SLCO6A1: variants seen among roughly 807,000 people sequenced by gnomAD.
The protein encoded by SLCO6A1 is solute carrier organic anion transporter family member 6A1.
Under a neutral mutation model 72.7 loss-of-function variants are expected in SLCO6A1, and 65 were observed. The observed-to-expected ratio is 0.89, with a 90% CI of 0.73 to 1.10. The LOEUF is 1.10. Ranked by LOEUF, SLCO6A1 falls within the 50% of genes least tolerant of loss-of-function variation. SLCO6A1 has a pLI of 0.00. For missense variants in SLCO6A1, 874 were observed against 872.6 expected (o/e 1.00, Z -0.02); for synonymous variants, 314 against 298.2 (o/e 1.05, Z -0.55).
chr5:102,426,646 T>C (rs972820877), intron 7 of SLCO6A1, among the ~76,000 whole-genome samples: 3 of 152,082 alleles, frequency 2.0e-5, no homozygotes, highest in Admixed American at 2.0e-4. Flanking sequence ...TGTGGAGAAA[T>C]AGAAACACTT....
chr5:102,388,810 G>A lies in SLCO6A1; in HGVS notation c.1895C>T (p.Pro632Leu), dbSNP rs1335947509. ...ILRIFGTIPG[P>L]SIFKMSGETS... The stretch of plus-strand genomic sequence containing the variant: ...TTCTCCTGACATTTTAAAGATTGAT[G>A]GTCCAGGAATAGTCCCTATGAAAAA... Residue 632 changes from proline (P) to leucine (L), a missense_variant, in exon 12 of 14, where the codon CCA becomes CTA. Physicochemically the swap from Pro to Leu is moderately conservative, Grantham distance 98 (BLOSUM62 -3). Transcript: ENST00000506729. 4 of 1,602,844 alleles carry A rather than the reference G, an allele frequency of 2.5e-6. No homozygotes were observed. Among genetic ancestry groups the A allele is most frequent in the Non-Finnish European group, 3.4e-6 (4 of 1,176,956 alleles).
At chr5:102,407,210 A>T (rs1747719677) in intron 9 of SLCO6A1, among the ~76,000 whole-genome samples, 1 of 151,836 alleles carries the variant, frequency 6.6e-6, no homozygotes, top group South Asian at 2.1e-4. Context: ...AGTAGTTACC[A>T]CCCCTTTCCA....
chr5:102,461,385 T>C (rs1415978601), intron 4 of SLCO6A1, among the ~76,000 whole-genome samples: 2 of 152,094 alleles, frequency 1.3e-5, no homozygotes, highest in Non-Finnish European at 2.9e-5. Flanking sequence ...ATTCAAGTAA[T>C]TCAAATCAAA....
rs193138624 is a variant in SLCO6A1, at chr5:102,399,194, A to C, written c.1814+361T>G. Among the ~76,000 whole-genome samples, 288 of 152,244 alleles carry C rather than the reference A, an allele frequency of 1.9e-3. 3 individuals are homozygous for C. Among genetic ancestry groups the C allele is most frequent in the African/African-American group, 6.7e-3 (278 of 41,574 alleles). On this transcript the variant is annotated intron_variant, in intron 10 of 13. Coordinates refer to ENST00000506729, the MANE Select transcript of SLCO6A1 (RefSeq NM_173488.5). ...ATGCTTTCTCATAGTCAAATTAAGC[A>C]ATATGGATGTAAATAGTTAATAAAT...
At chr5:102,498,158 T>C (rs2112880780) in intron 1 of SLCO6A1, among the ~76,000 whole-genome samples, 1 of 152,234 alleles carries the variant, frequency 6.6e-6, no homozygotes, top group Admixed American at 6.5e-5. Context: ...AAAACTCTGA[T>C]CCCATCCCAG....
intron 7 of SLCO6A1, among the ~76,000 whole-genome samples, chr5:102,425,060 A>C (rs1201685762): frequency 6.6e-6 from 1 of 152,170 alleles, no homozygotes; most frequent in Non-Finnish European, 1.5e-5. Flanking sequence ...CCTTCGATAA[A>C]ATTTAACACC....
intron 12 of SLCO6A1, among the ~76,000 whole-genome samples, chr5:102,385,292 A>T (rs1486877035): frequency 6.6e-6 from 1 of 152,056 alleles, no homozygotes; most frequent in Admixed American, 6.6e-5. Flanking sequence ...ACTTCCTTAC[A>T]TCTTATCTAT....
chr5:102,471,861 T>C (rs1486841138), intron 4 of SLCO6A1, among the ~76,000 whole-genome samples: 7 of 152,048 alleles, frequency 4.6e-5, no homozygotes, highest in Non-Finnish European at 8.8e-5. Flanking sequence ...CAGTATAACA[T>C]TCTGGGGCTA....
At chr5:102,428,893 GAACT>G (rs1749059846) in intron 7 of SLCO6A1, among the ~76,000 whole-genome samples, 1 of 152,168 alleles carries the variant, frequency 6.6e-6, no homozygotes, top group Non-Finnish European at 1.5e-5. Flanking sequence ...CACAATGGCT[GAACT>G]AATTTACACT....
At chr5:102,436,516 G>A (rs1749544863) in intron 7 of SLCO6A1, among the ~76,000 whole-genome samples, 4 of 152,174 alleles carry the variant, frequency 2.6e-5, no homozygotes. Context: ...GATGGTAGAT[G>A]TCTGTCTTGG....
chr5:102,489,334 T>C (rs769708051), intron 1 of SLCO6A1, among the ~76,000 whole-genome samples: 17 of 152,160 alleles, frequency 1.1e-4, no homozygotes, highest in Non-Finnish European at 1.9e-4. Context: ...CAGAATCATA[T>C]GGAAAAGGGG....
At chr5:102,400,983 T>TA (rs1470213119) in intron 9 of SLCO6A1, among the ~76,000 whole-genome samples, 8 of 151,534 alleles carry the variant, frequency 5.3e-5, no homozygotes, top group South Asian at 2.1e-4. Flanking sequence ...CAGGACATTT[T>TA]AAAAAAAAGG....
intron 7 of SLCO6A1, among the ~76,000 whole-genome samples, chr5:102,432,467 A>G (rs1421034820): frequency 6.6e-6 from 1 of 152,098 alleles, no homozygotes; most frequent in East Asian, 1.9e-4. Flanking sequence ...TTGTTTGAAA[A>G]TGATTTTATT....
rs551495953 is a variant in SLCO6A1, at chr5:102,490,002, C to T, written c.358+8485G>A. On this transcript the variant is annotated intron_variant, in intron 1 of 13. Coordinates refer to ENST00000506729, the MANE Select transcript of SLCO6A1 (RefSeq NM_173488.5). ...TAAGCCAGACATGGAAAGACAAGTA[C>T]TGCATGTTCTCACTCATATGTATAA... 2.0e-5 allele frequency among the ~76,000 whole-genome samples: 3 copies of T among 152,282 alleles called. No individual in the cohort carries two copies. In the East Asian group the frequency reaches 5.8e-4, roughly 29 times the overall value.
At chr5:102,474,178 A>G (rs1269307582) in intron 4 of SLCO6A1, among the ~76,000 whole-genome samples, 1 of 152,050 alleles carries the variant, frequency 6.6e-6, no homozygotes, top group Non-Finnish European at 1.5e-5. Context: ...TTTCAAATAT[A>G]TTGCAAAGCT....
intron 6 of SLCO6A1, among the ~76,000 whole-genome samples, chr5:102,439,690 C>T (rs2400796): frequency 0.47 from 71,182 of 151,914 alleles, 18,554 homozygotes; most frequent in Non-Finnish European, 0.57. Flanking sequence ...CTTTAAGGTC[C>T]AGTGATAGAG....
At chr5:102,432,196 C>A (rs1426888222) in intron 7 of SLCO6A1, among the ~76,000 whole-genome samples, 22 of 152,100 alleles carry the variant, frequency 1.4e-4, no homozygotes, top group Admixed American at 1.4e-3. Flanking sequence ...ATTCAGCTTG[C>A]CACTCTGTCT....
chr5:102,413,239 T>C (rs1482447163), intron 8 of SLCO6A1, 96 bp from the exon 9 acceptor site: 60 of 1,210,846 alleles, frequency 5.0e-5, no homozygotes, highest in Non-Finnish European at 6.6e-5. Context: ...AATATGCTTA[T>C]TGAAATAATT....
At chr5:102,479,139 C>T (rs183196346) in intron 2 of SLCO6A1, among the ~76,000 whole-genome samples, 1 of 152,212 alleles carries the variant, frequency 6.6e-6, no homozygotes, top group East Asian at 1.9e-4. Context: ...GACTGGATCA[C>T]GGGAGCAGAT....
Sources: allele counts gnomAD v4.1 joint callset (sites outside exome capture counted in the v4.1 genomes callset), GRCh38; gene constraint gnomAD v4.1.1; transcripts MANE v1.5; gene names NCBI Gene and HGNC (gene_info 2026-07-23, HGNC 2026-07-21).